The following MOAP1 variants were observed in gnomAD, a reference collection of about 807,000 sequenced individuals.
MOAP1 encodes modulator of apoptosis 1.
For missense variants in MOAP1, 385 were observed against 418.6 expected, an observed-to-expected ratio of 0.92 and a Z score of 0.70; for synonymous variants, 150 against 161.0, an observed-to-expected ratio of 0.93 and a Z score of 0.52.
chr14:93,183,960 G>T lies in MOAP1; in HGVS notation c.283C>A (p.Pro95Thr), dbSNP rs1229386167. 2 of 1,614,032 alleles carry T rather than the reference G, an allele frequency of 1.2e-6. No individual in the cohort carries two copies. The highest frequency in any genetic ancestry group is 2.7e-5 in the African/African-American group (2 of 74,924). Residue 95 changes from proline (P) to threonine (T), a missense_variant, in exon 3 of 3, where the codon CCC (proline) becomes ACC (threonine). Coordinates refer to ENST00000298894, the MANE Select transcript of MOAP1 (RefSeq NM_022151.5). ...KGGIWRVIFK[P>T]PDPDNTFLSR... ...AAAAATGTATTATCTGGGTCAGGGGGCTTAAAGATCACTCTCCAGATACCC... is the reference window on the plus strand; with the variant it reads ...AAAAATGTATTATCTGGGTCAGGGGTCTTAAAGATCACTCTCCAGATACCC...
At position 93,183,683 on chromosome 14, in the gene MOAP1, T is replaced by C. The variant is rs750615828; in HGVS notation, c.560A>G (p.His187Arg). 4 of 1,614,184 alleles carry C rather than the reference T, an allele frequency of 2.5e-6. No homozygotes were observed. In the South Asian group the frequency reaches 4.4e-5, roughly 18 times the overall value. The change falls in exon 3 of 3, where the codon CAT becomes CGT. Residue 187 changes from histidine (H) to arginine (R), a missense_variant. Transcript: ENST00000298894. ...CCACGCCTTTATCATCTGAGTAGTA[T>C]GAAACATCCAGCGTCCAAATTCTTC... ...GEEEFGRWMF[H>R]TTQMIKAWQV...
At position 93,183,515 on chromosome 14, in the gene MOAP1, AC is replaced by A; in HGVS notation, c.727del (p.Val243LeufsTer13). ...CTGCAACTCCCTAGGATTATCTGTAACCCCAAATACCTCCTCAAGAGCCTGC... is the reference window on the plus strand; with the variant it reads ...CTGCAACTCCCTAGGATTATCTGTAACCCAAATACCTCCTCAAGAGCCTGC... ...CLQALEEVFGVTDNPRELQVK... is the reference protein window; with the variant it reads ...CLQALEEVFGXTDNPRELQVK... On this transcript the variant is annotated frameshift_variant, in exon 3 of 3. Coordinates refer to ENST00000298894, the MANE Select transcript of MOAP1 (RefSeq NM_022151.5). LOFTEE classifies it low-confidence loss of function (END_TRUNC). 1 of 1,614,054 alleles carries A rather than the reference AC, an allele frequency of 6.2e-7. No homozygotes were observed. The highest frequency in any genetic ancestry group is 8.5e-7 in the Non-Finnish European group (1 of 1,180,020).
Position 93,183,988 on chromosome 14 carries a change from T to A in MOAP1, c.255A>T (p.Lys85Asn), listed in dbSNP as rs534240299. 1.2e-6 allele frequency: 2 copies of A among 1,614,098 alleles called. No individual in the cohort carries two copies. Among genetic ancestry groups the A allele is most frequent in the South Asian group, 2.2e-5 (2 of 91,066 alleles). The change falls in exon 3 of 3, where the codon AAA (lysine) becomes AAT (asparagine). Residue 85 changes from lysine to asparagine, a missense_variant. Lys to Asn is a moderately conservative substitution (Grantham distance 94). Coordinates refer to ENST00000298894, the MANE Select transcript of MOAP1 (RefSeq NM_022151.5). ...HALVPKEIPG[K>N]GGIWRVIFKP... is the part of the protein sequence containing the mutation. ...TAAAGATCACTCTCCAGATACCCCC[T>A]TTTCCCGGTATCTCCTTAGGGACCA...
Position 93,183,348 on chromosome 14 carries a change from T to C in MOAP1, c.895A>G (p.Ile299Val), listed in dbSNP as rs1893968495. 2 of 1,614,224 alleles carry C rather than the reference T, an allele frequency of 1.2e-6. No individual in the cohort carries two copies. Among genetic ancestry groups the C allele is most frequent in the Non-Finnish European group, 1.7e-6 (2 of 1,180,040 alleles). ...ATTGTTTTGTGGACTGCCCCAGCAA[T>C]GACTTGGTCTAGGCGGGCCTGATTC... ...AVNQARLDQV[I>V]AGAVHKTIRR... Residue 299 changes from isoleucine (I) to valine (V), a missense_variant, in exon 3 of 3, where the codon ATT (isoleucine) becomes GTT (valine). Physicochemically the swap from Ile to Val is conservative, Grantham distance 29. Coordinates refer to ENST00000298894, the MANE Select transcript of MOAP1 (RefSeq NM_022151.5).
chr14:93,183,286 G>A lies in MOAP1; in HGVS notation c.957C>T (p.Ala319=), dbSNP rs185136415. 4 of 1,613,966 alleles carry A rather than the reference G, an allele frequency of 2.5e-6. No individual in the cohort carries two copies. Among genetic ancestry groups the A allele is most frequent in the African/African-American group, 2.7e-5 (2 of 74,878 alleles). ...RELNLPEDGP[A]PGFLQLLVLI... Reference sequence around the variant, plus strand: ...GTACCAATAACTGCAAGAAACCAGGGGCTGGGCCATCCTCTGGCAGATTAA... The same window carrying A: ...GTACCAATAACTGCAAGAAACCAGGAGCTGGGCCATCCTCTGGCAGATTAA... The change falls in exon 3 of 3, where the codon GCC becomes GCT. Residue 319 remains alanine (A), a synonymous_variant. Coordinates refer to ENST00000298894, the MANE Select transcript of MOAP1 (RefSeq NM_022151.5).
At position 93,183,921 on chromosome 14, in the gene MOAP1, CATTT is replaced by C. The variant is rs769336345; in HGVS notation, c.318_321del (p.Glu108PhefsTer2). Reference sequence around the variant, plus strand: ...GTCATGCCCTCTCCCGCTAAAAATTCATTTAATCTGCTTAAAAATGTATTATCTG... The same window carrying C: ...GTCATGCCCTCTCCCGCTAAAAATTCAATCTGCTTAAAAATGTATTATCTG... On this transcript the variant is annotated frameshift_variant, in exon 3 of 3. Coordinates refer to ENST00000298894, the MANE Select transcript of MOAP1 (RefSeq NM_022151.5). LOFTEE classifies it low-confidence loss of function (END_TRUNC). 4.5e-5 allele frequency: 73 copies of C among 1,613,998 alleles called. No individual in the cohort carries two copies. The highest frequency in any genetic ancestry group is 6.1e-5 in the Non-Finnish European group (72 of 1,180,050).
In MOAP1 at chr14:93,182,252, C is replaced by A. The variant is rs921247854; in HGVS notation, c.*935G>T. ...TTCACACCTATAATTTTATAACAATCGTGAAAATGTTACTCAGAACTAGAT... is the reference window on the plus strand; with the variant it reads ...TTCACACCTATAATTTTATAACAATAGTGAAAATGTTACTCAGAACTAGAT... On this transcript the variant is annotated 3_prime_UTR_variant, in exon 3 of 3. Coordinates refer to ENST00000298894, the MANE Select transcript of MOAP1 (RefSeq NM_022151.5). 3 of 152,550 alleles carry A rather than the reference C, an allele frequency of 2.0e-5. No individual in the cohort carries two copies. Among genetic ancestry groups the A allele is most frequent in the Non-Finnish European group, 4.4e-5 (3 of 68,028 alleles). The allele number at this position is 152,550 out of a possible 1,614,324, so 9.4% of individuals were successfully genotyped here. A position where few individuals can be genotyped will look rare whatever the true frequency, so the allele number is the denominator to read the frequency against.
chr14:93,184,349 C>A lies in MOAP1; in HGVS notation c.-107G>T. The A allele has an allele frequency of 1.9e-6, 1 of 528,750 alleles. No individual in the cohort carries two copies. The highest frequency in any genetic ancestry group is 2.7e-6 in the Non-Finnish European group (1 of 374,066). The allele number at this position is 528,750 out of a possible 1,614,324, so 32.8% of individuals were successfully genotyped here. A position where few individuals can be genotyped will look rare whatever the true frequency, so the allele number is the denominator to read the frequency against. On this transcript the variant is annotated 5_prime_UTR_variant, in exon 3 of 3. Coordinates refer to ENST00000298894, the MANE Select transcript of MOAP1 (RefSeq NM_022151.5). The surrounding 1 kb of genome is among the most constrained non-coding windows in gnomAD (Gnocchi z 4.2). ...CCCCAGAGAAATCTTGTCAACGTGC[C>A]GAGGTCCAGCAGCCTGCAAGACAGA... is the stretch of plus-strand genomic sequence containing the variant.
At position 93,184,180 on chromosome 14, in the gene MOAP1, T is replaced by TA. The variant is rs763638558; in HGVS notation, c.62dup (p.Leu22IlefsTer39). 1 of 1,613,596 alleles carries TA rather than the reference T, an allele frequency of 6.2e-7. No homozygotes were observed. The highest frequency in any genetic ancestry group is 1.3e-5 in the African/African-American group (1 of 74,866). ...AGCTCTGGGAGATGCCGGCAATCAATAGCGCTTTCCGAGGGTTCATGTCCA... is the reference window on the plus strand; with the variant it reads ...AGCTCTGGGAGATGCCGGCAATCAATAAGCGCTTTCCGAGGGTTCATGTCCA... On this transcript the variant is annotated frameshift_variant, in exon 3 of 3. Coordinates refer to ENST00000298894, the MANE Select transcript of MOAP1 (RefSeq NM_022151.5). LOFTEE classifies it low-confidence loss of function (END_TRUNC). This position sits in a 1 kb window ranked among gnomAD's most constrained non-coding sequence, Gnocchi z 4.2.
In MOAP1 at chr14:93,183,224, G is replaced by GCCT. The variant is rs1330945102; in HGVS notation, c.1016_1018dup (p.Glu339dup). On this transcript the variant is annotated inframe_insertion, in exon 3 of 3. Transcript: ENST00000298894. ...ACCTTCCAATATTGCCTGGAGAAGG[G>GCCT]CCTCCTCCTCCTCAGCTGCCTCATA... 5.0e-6 allele frequency: 8 copies of GCCT among 1,611,070 alleles called. No individual in the cohort carries two copies. The highest frequency in any genetic ancestry group is 6.8e-6 in the Non-Finnish European group (8 of 1,178,636).
Position 93,184,603 on chromosome 14 carries a change from G to T in MOAP1, c.-165C>A, listed in dbSNP as rs1057180041. The T allele has an allele frequency of 1.7e-4, 26 of 152,298 alleles. No homozygotes were observed. The highest frequency in any genetic ancestry group is 5.5e-4 in the African/African-American group (23 of 41,454). The allele number at this position is 152,298 out of a possible 1,614,324, so 9.4% of individuals were successfully genotyped here. A position where few individuals can be genotyped will look rare whatever the true frequency, so the allele number is the denominator to read the frequency against. ...CCGCGTCCGTGCGCCGGCGGCCAAG[G>T]TGCCTGGCCGGGCCCCGACGAGGCG... On this transcript the variant is annotated 5_prime_UTR_variant, in exon 2 of 3. Transcript: ENST00000298894. The surrounding 1 kb of genome is among the most constrained non-coding windows in gnomAD (Gnocchi z 4.2).
rs148700787 is a variant in MOAP1, at chr14:93,184,065, C to T, written c.178G>A (p.Glu60Lys). 1.3e-3 allele frequency: 2,035 copies of T among 1,614,042 alleles called. 2 individuals are homozygous for T. Among genetic ancestry groups the T allele is most frequent in the Non-Finnish European group, 1.5e-3 (1,803 of 1,179,974 alleles). The change falls in exon 3 of 3, where the codon GAG (glutamate) becomes AAG (lysine). Residue 60 changes from glutamate to lysine, a missense_variant. Glu to Lys is a moderately conservative substitution (Grantham distance 56). Coordinates refer to ENST00000298894, the MANE Select transcript of MOAP1 (RefSeq NM_022151.5). The surrounding 1 kb of genome is among the most constrained non-coding windows in gnomAD (Gnocchi z 4.2). ...RLLGRMFRRDENRKVALVGLT... is the reference protein window; with the variant it reads ...RLLGRMFRRDKNRKVALVGLT... ...CCTACTAAGGCTACTTTCCTGTTCT[C>T]ATCCCTCCTGAACATCCTTCCAAGC... is the stretch of plus-strand genomic sequence containing the variant.
chr14:93,184,101 C>G lies in MOAP1; in HGVS notation c.142G>C (p.Glu48Gln). 6.2e-7 allele frequency: 1 copy of G among 1,614,046 alleles called. No individual in the cohort carries two copies. Among genetic ancestry groups the G allele is most frequent in the East Asian group, 2.2e-5 (1 of 44,858 alleles). ...AACATCCTTCCAAGCAGTCTGTACT[C>G]CCCCAAGGGAGCTAAACCAGCCTGC... is the stretch of plus-strand genomic sequence containing the variant. ...ALQAGLAPLG[E>Q]YRLLGRMFRR... The change falls in exon 3 of 3, where the codon GAG becomes CAG. Residue 48 changes from glutamate (E) to glutamine (Q), a missense_variant. By Grantham distance (29) the Glu-to-Gln change is conservative (BLOSUM62 2). Transcript: ENST00000298894. This position sits in a 1 kb window ranked among gnomAD's most constrained non-coding sequence, Gnocchi z 4.2.
chr14:93,183,108 G>C lies in MOAP1; in HGVS notation c.*79C>G. On this transcript the variant is annotated 3_prime_UTR_variant, in exon 3 of 3. Coordinates refer to ENST00000298894, the MANE Select transcript of MOAP1 (RefSeq NM_022151.5). Reference sequence around the variant, plus strand: ...TACTTGGCAGCACAAGGTAGGGATTGTATGTGTCACAAGAGTATATAGACT... The same window carrying C: ...TACTTGGCAGCACAAGGTAGGGATTCTATGTGTCACAAGAGTATATAGACT... The C allele has an allele frequency of 6.7e-7, 1 of 1,501,578 alleles. No individual in the cohort carries two copies. The highest frequency in any genetic ancestry group is 8.9e-7 in the Non-Finnish European group (1 of 1,127,144). The allele number at this position is 1,501,578 out of a possible 1,614,324, so 93.0% of individuals were successfully genotyped here.
At position 93,183,170 on chromosome 14, in the gene MOAP1, T is replaced by C; in HGVS notation, c.*17A>G. Reference sequence around the variant, plus strand: ...ATGCTCTACTCATTGCCATATCCCTTCGTGGTTCCCTGAGACTCAGGTGAA... The same window carrying C: ...ATGCTCTACTCATTGCCATATCCCTCCGTGGTTCCCTGAGACTCAGGTGAA... On this transcript the variant is annotated 3_prime_UTR_variant, in exon 3 of 3. Transcript: ENST00000298894. The C allele has an allele frequency of 6.3e-7, 1 of 1,583,844 alleles. No homozygotes were observed. Among genetic ancestry groups the C allele is most frequent in the Non-Finnish European group, 8.6e-7 (1 of 1,165,548 alleles).
In MOAP1 at chr14:93,182,837, G is replaced by T; in HGVS notation, c.*350C>A. The stretch of plus-strand genomic sequence containing the variant: ...CCCAGCTACTCGGGCAACTGAGGCA[G>T]GAGAATAGCTTAAACCTGGAAGGCG... On this transcript the variant is annotated 3_prime_UTR_variant, in exon 3 of 3. Coordinates refer to ENST00000298894, the MANE Select transcript of MOAP1 (RefSeq NM_022151.5). 1 of 213,828 alleles carries T rather than the reference G, an allele frequency of 4.7e-6. No homozygotes were observed. 13.2% of individuals were successfully genotyped at this position (213,828 alleles called of 1,614,324 possible). A position where few individuals can be genotyped will look rare whatever the true frequency, so the allele number is the denominator to read the frequency against.
Position 93,183,816 on chromosome 14 carries a change from C to T in MOAP1, c.427G>A (p.Ala143Thr). 6.2e-7 allele frequency: 1 copy of T among 1,614,010 alleles called. No homozygotes were observed. Among genetic ancestry groups the T allele is most frequent in the Non-Finnish European group, 8.5e-7 (1 of 1,179,982 alleles). ...TCTAATGCCTGTGCCAACATAGGGG[C>T]CCACATTTCCGGGATCATGCCCTGC... ...PEQGMIPEMW[A>T]PMLAQALEAL... The change falls in exon 3 of 3, where the codon GCC (alanine) becomes ACC (threonine). Residue 143 changes from alanine (A) to threonine (T), a missense_variant. By Grantham distance (58) the Ala-to-Thr change is moderately conservative (BLOSUM62 0). Transcript: ENST00000298894.
chr14:93,184,210 C>A lies in MOAP1; in HGVS notation c.33G>T (p.Arg11Ser). MTLRLLEDWC[R>S]GMDMNPRKAL... ...CTTTCCGAGGGTTCATGTCCATCCC[C>A]CTGCACCAGTCTTCTAAAAGCCTCA... The change falls in exon 3 of 3, where the codon AGG (arginine) becomes AGT (serine). Residue 11 changes from arginine to serine, a missense_variant. Arg to Ser is a moderately radical substitution (Grantham distance 110). Coordinates refer to ENST00000298894, the MANE Select transcript of MOAP1 (RefSeq NM_022151.5). The surrounding 1 kb of genome is among the most constrained non-coding windows in gnomAD (Gnocchi z 4.2). 6.2e-7 allele frequency: 1 copy of A among 1,605,770 alleles called. No individual in the cohort carries two copies. Among genetic ancestry groups the A allele is most frequent in the Non-Finnish European group, 8.5e-7 (1 of 1,176,722 alleles).
In MOAP1 at chr14:93,184,872, TTTGGTCTCGC is replaced by T. The variant is rs1894001434; in HGVS notation, c.-348_-339del. ...CGGCTCCAGCCCGGATTCCACCTGT[TTTGGTCTCGC>T]TCGGGGAAGCTGCGCGGCGGGCGGG... On this transcript the variant is annotated 5_prime_UTR_variant, in exon 1 of 3. Coordinates refer to ENST00000298894, the MANE Select transcript of MOAP1 (RefSeq NM_022151.5). The surrounding 1 kb of genome is among the most constrained non-coding windows in gnomAD (Gnocchi z 4.2). The T allele has an allele frequency of 1.3e-5, 2 of 151,956 alleles. No homozygotes were observed. The highest frequency in any genetic ancestry group is 4.1e-4 in the South Asian group (2 of 4,884). The allele number at this position is 151,956 out of a possible 1,614,324, so 9.4% of individuals were successfully genotyped here. A position where few individuals can be genotyped will look rare whatever the true frequency, so the allele number is the denominator to read the frequency against.
Sources: allele counts gnomAD v4.1 joint callset, GRCh38; gene constraint gnomAD v4.1.1; non-coding constraint Gnocchi (gnomAD v3.1); transcripts MANE v1.5; gene names NCBI Gene and HGNC (gene_info 2026-07-23, HGNC 2026-07-21).